Variants in SUSD5 observed in about 807,000 individuals in gnomAD.
SUSD5 encodes sushi domain-containing protein 5.
Under a neutral mutation model 29.5 loss-of-function variants are expected in SUSD5, and 33 were observed. The observed-to-expected ratio is 1.12, with a 90% CI of 0.85 to 1.49. The LOEUF (loss-of-function observed/expected upper bound fraction) is 1.49. SUSD5 is among the 40% of genes most tolerant of loss of function. The probability of loss-of-function intolerance (pLI) is 0.00; values close to 1 mark genes in which losing one functional copy is unlikely to be tolerated. For synonymous variants in SUSD5, 308 were observed against 325.3 expected (o/e 0.95, Z 0.57); for missense variants, 776 against 800.6 (o/e 0.97, Z 0.37).
chr3:33,192,699 C>T (rs1389224040), intron 3 of SUSD5, among the ~76,000 whole-genome samples: 1 of 151,862 alleles, frequency 6.6e-6, no homozygotes, highest in Non-Finnish European at 1.5e-5. Context: ...GTCCCAGCTA[C>T]TTGGGAGGCT....
At chr3:33,206,756 C>G (rs1312989923) in intron 3 of SUSD5, among the ~76,000 whole-genome samples, 2 of 152,186 alleles carry the variant, frequency 1.3e-5, no homozygotes, top group Admixed American at 6.5e-5. Context: ...TCTGGTATTT[C>G]ACATCATCAG....
At chr3:33,215,710 T>C (rs1362401134) in intron 1 of SUSD5, among the ~76,000 whole-genome samples, 1 of 152,086 alleles carries the variant, frequency 6.6e-6, no homozygotes, top group Non-Finnish European at 1.5e-5. Flanking sequence ...AACAAAGCAA[T>C]AACTAGGAAA....
chr3:33,186,015 C>T (rs2031769029), intron 3 of SUSD5, among the ~76,000 whole-genome samples: 1 of 152,224 alleles, frequency 6.6e-6, no homozygotes, highest in East Asian at 1.9e-4. Flanking sequence ...AGTCTTTAGG[C>T]AGTCAAGTTA....
Position 33,153,707 on chromosome 3 carries a change from C to T in SUSD5, c.925G>A (p.Glu309Lys). 1 of 1,614,062 alleles carries T rather than the reference C, an allele frequency of 6.2e-7. No homozygotes were observed. The highest frequency in any genetic ancestry group is 8.5e-7 in the Non-Finnish European group (1 of 1,179,896). Reference sequence around the variant, plus strand: ...TGCTTTTTGGTGTCATCATCCACCTCCTTTTCCAACCCAGGCTTGTGGAAA... The same window carrying T: ...TGCTTTTTGGTGTCATCATCCACCTTCTTTTCCAACCCAGGCTTGTGGAAA... ...EAFHKPGLEKEVDDDTKKQFS... is the reference protein window; with the variant it reads ...EAFHKPGLEKKVDDDTKKQFS... The change falls in exon 5 of 5, where the codon GAG becomes AAG. Residue 309 changes from glutamate to lysine, a missense_variant. Coordinates refer to ENST00000309558, the MANE Select transcript of SUSD5 (RefSeq NM_015551.2).
At chr3:33,203,445 C>T (rs2032156808) in intron 3 of SUSD5, among the ~76,000 whole-genome samples, 2 of 152,248 alleles carry the variant, frequency 1.3e-5, no homozygotes, top group Non-Finnish European at 2.9e-5. Context: ...CCTGTCTTCC[C>T]TGTAGCCTTT....
intron 4 of SUSD5, among the ~76,000 whole-genome samples, chr3:33,170,961 A>G (rs1172497126): frequency 6.6e-6 from 1 of 152,200 alleles, no homozygotes; most frequent in Non-Finnish European, 1.5e-5. Flanking sequence ...CCCCCATACT[A>G]TATTATAGGT....
chr3:33,186,679 C>G (rs1323795009), intron 3 of SUSD5, among the ~76,000 whole-genome samples: 1 of 152,118 alleles, frequency 6.6e-6, no homozygotes, highest in Non-Finnish European at 1.5e-5. Flanking sequence ...CCCGCCTCGG[C>G]CTCCCAAAGT....
chr3:33,152,950 G>T lies in SUSD5; in HGVS notation c.1682C>A (p.Ser561Ter). 10 of 1,613,964 alleles carry T rather than the reference G, an allele frequency of 6.2e-6. No individual in the cohort carries two copies. Among genetic ancestry groups the T allele is most frequent in the Non-Finnish European group, 8.5e-6 (10 of 1,179,862 alleles). ...GCCAGGACATCCGTCCCCCACACACGACTCCAAGGTGGGATGAAGCTCCTC... is the reference window on the plus strand; with the variant it reads ...GCCAGGACATCCGTCCCCCACACACTACTCCAAGGTGGGATGAAGCTCCTC... ...ASEELHPTLE[S>*]CVGDGCPGLS... Residue 561 changes from serine to a stop codon, truncating the protein, a stop_gained, in exon 5 of 5, where the codon TCG becomes TAG. Coordinates refer to ENST00000309558, the MANE Select transcript of SUSD5 (RefSeq NM_015551.2). LOFTEE classifies it high-confidence loss of function.
At chr3:33,206,079 A>G (rs1044361743) in intron 3 of SUSD5, among the ~76,000 whole-genome samples, 2 of 152,182 alleles carry the variant, frequency 1.3e-5, no homozygotes, top group Non-Finnish European at 2.9e-5. Flanking sequence ...TTAGAATTTA[A>G]AAGATTATTT....
intron 4 of SUSD5, 79 bp downstream of exon 4, chr3:33,174,807 C>G: frequency 1.3e-6 from 2 of 1,530,588 alleles, no homozygotes; most frequent in Non-Finnish European, 1.8e-6. Context: ...AAGAGCCCAC[C>G]GCATGCAGCC....
intron 3 of SUSD5, among the ~76,000 whole-genome samples, chr3:33,187,576 T>C (rs1221667223): frequency 6.6e-6 from 1 of 152,152 alleles, no homozygotes; most frequent in Non-Finnish European, 1.5e-5. Context: ...AAGGGAGCTA[T>C]GGAAAACAGC....
chr3:33,166,012 CAAA>C (rs60528336), intron 4 of SUSD5, among the ~76,000 whole-genome samples: 5 of 119,120 alleles, frequency 4.2e-5, no homozygotes, highest in Admixed American at 8.8e-5. Context: ...CCCCCCTCTC[CAAA>C]AAAAAAAAAA....
chr3:33,188,222 G>T (rs2031819351), intron 3 of SUSD5, among the ~76,000 whole-genome samples: 1 of 152,230 alleles, frequency 6.6e-6, no homozygotes, highest in Admixed American at 6.5e-5. Flanking sequence ...ATAAATTGTT[G>T]ACTTTCATCT....
rs1431516446 is a variant in SUSD5 at position 33,207,944 on chromosome 3, G to A, written c.291-18C>T. On this transcript the variant is annotated intron_variant, in intron 2 of 4. Coordinates refer to ENST00000309558, the MANE Select transcript of SUSD5 (RefSeq NM_015551.2). Reference sequence around the variant, plus strand: ...CAGTTGTTCTGAAATAGACAAAAAAGGCACTGAATGAGGAAAACTCTGGGT... The same window carrying A: ...CAGTTGTTCTGAAATAGACAAAAAAAGCACTGAATGAGGAAAACTCTGGGT... 2 of 1,583,906 alleles carry A rather than the reference G, an allele frequency of 1.3e-6. No homozygotes were observed. The highest frequency in any genetic ancestry group is 8.7e-7 in the Non-Finnish European group (1 of 1,154,960).
In SUSD5 at chr3:33,213,912, T is replaced by C; in HGVS notation, c.290+16A>G. On this transcript the variant is annotated intron_variant, in intron 2 of 4. Coordinates refer to ENST00000309558, the MANE Select transcript of SUSD5 (RefSeq NM_015551.2). ...CAACTGGGGTGAGTTGGAAAAGGAG[T>C]GCTCGCCTAACTTACCCAAGAGTAC... is the stretch of plus-strand genomic sequence containing the variant. 4 of 1,573,252 alleles carry C rather than the reference T, an allele frequency of 2.5e-6. No individual in the cohort carries two copies. Among genetic ancestry groups the C allele is most frequent in the Non-Finnish European group, 3.5e-6 (4 of 1,157,770 alleles).
chr3:33,188,679 T>C (rs1327998878), intron 3 of SUSD5, among the ~76,000 whole-genome samples: 1 of 152,038 alleles, frequency 6.6e-6, no homozygotes, highest in African/African-American at 2.4e-5. Context: ...CTATATGTGG[T>C]GATAAGAATT....
rs146179358 is a variant in SUSD5 at position 33,152,659 on chromosome 3, G to A, written c.*83C>T. The A allele has an allele frequency of 1.6e-4, 225 of 1,403,546 alleles. No homozygotes were observed. Among genetic ancestry groups the A allele is most frequent in the Middle Eastern group, 2.6e-4 (1 of 3,890 alleles). 86.9% of individuals were successfully genotyped at this position (1,403,546 alleles called of 1,614,324 possible). A position where few individuals can be genotyped will look rare whatever the true frequency, so the allele number is the denominator to read the frequency against. On this transcript the variant is annotated 3_prime_UTR_variant, in exon 5 of 5. Coordinates refer to ENST00000309558, the MANE Select transcript of SUSD5 (RefSeq NM_015551.2). ...AAATGATGAGCCTCAGTCCACCTGC[G>A]TCATGCTCTAGTGAATTATCGTGTG...
In SUSD5 at chr3:33,150,932, TAAG is replaced by T. The variant is rs1311440170; in HGVS notation, c.*1807_*1809del. On this transcript the variant is annotated 3_prime_UTR_variant, in exon 5 of 5. Coordinates refer to ENST00000309558, the MANE Select transcript of SUSD5 (RefSeq NM_015551.2). ...ACTTTTTACCACTGATAACTATTTC[TAAG>T]AAGGTGATTCATATTAGAAAAATAT... 2 of 152,236 alleles carry T rather than the reference TAAG, an allele frequency of 1.3e-5. No individual in the cohort carries two copies. The highest frequency in any genetic ancestry group is 4.8e-5 in the African/African-American group (2 of 41,452). 9.4% of individuals were successfully genotyped at this position (152,236 alleles called of 1,614,324 possible).
chr3:33,157,723 T>C (rs747427748), intron 4 of SUSD5, among the ~76,000 whole-genome samples: 20 of 152,234 alleles, frequency 1.3e-4, no homozygotes, highest in Non-Finnish European at 2.1e-4. Flanking sequence ...CTTTGCTCTC[T>C]GCCTCGGAGC....
Sources: allele counts gnomAD v4.1 joint callset (sites outside exome capture counted in the v4.1 genomes callset), GRCh38; gene constraint gnomAD v4.1.1; transcripts MANE v1.5; gene names NCBI Gene and HGNC (gene_info 2026-07-23, HGNC 2026-07-21).